AP3B2: variants seen among roughly 807,000 people sequenced by gnomAD.
The protein encoded by AP3B2 is AP-3 complex subunit beta-2.
A neutral mutation model predicts 126.9 loss-of-function variants in AP3B2; 50 were observed. The observed-to-expected ratio is 0.39, with a 90% CI of 0.31 to 0.50. The LOEUF is 0.50. Ranked by LOEUF, AP3B2 falls within the 20% of genes least tolerant of loss-of-function variation. The pLI, the probability that AP3B2 is intolerant of heterozygous loss-of-function variation, is 0.79. For synonymous variants in AP3B2, 541 were observed against 565.0 expected (o/e 0.96, Z 0.60); for missense variants, 1,177 against 1,426.4 (o/e 0.83, Z 2.82).
At position 82,666,816 on chromosome 15, in the gene AP3B2, G is replaced by A. The variant is rs747568488; in HGVS notation, c.1783C>T (p.Leu595Phe). 2.4e-5 allele frequency: 38 copies of A among 1,613,886 alleles called. No individual in the cohort carries two copies. The Middle Eastern group carries it at 4.9e-4, about 21-fold the overall frequency. ...LIVPSEQGGA[L>F]SRHAKKLFLA... ...AAGAGCTTCTTGGCATGGCGGCTGAGGGCCCCACCCTGCTCGGAAGGGACG... is the reference window on the plus strand; with the variant it reads ...AAGAGCTTCTTGGCATGGCGGCTGAAGGCCCCACCCTGCTCGGAAGGGACG... Residue 595 changes from leucine to phenylalanine, a missense_variant, in exon 15 of 27, where the codon CTC becomes TTC. Leu to Phe is a conservative substitution (Grantham distance 22). Coordinates refer to ENST00000535359, the MANE Select transcript of AP3B2 (RefSeq NM_001278512.2).
chr15:82,702,460 A>C (rs1262642948), intron 1 of AP3B2, among the ~76,000 whole-genome samples: 1 of 152,180 alleles, frequency 6.6e-6, no homozygotes, highest in East Asian at 1.9e-4. Flanking sequence ...GTAATTGAAG[A>C]ATCACAAAAG....
Position 82,659,987 on chromosome 15 carries a change from G to GGGGTAGAGGTCGTGATGA in AP3B2, c.3017-22_3017-5dup. 6.8e-6 allele frequency: 11 copies of GGGGTAGAGGTCGTGATGA among 1,613,686 alleles called. No homozygotes were observed. Among genetic ancestry groups the GGGGTAGAGGTCGTGATGA allele is most frequent in the Non-Finnish European group, 9.3e-6 (11 of 1,179,780 alleles). Reference sequence around the variant, plus strand: ...TCATTCATGCCCATCAGCTTTCCTGGGGGTAGAGGTCGTGATGAGGGCAGA... The same window carrying GGGGTAGAGGTCGTGATGA: ...TCATTCATGCCCATCAGCTTTCCTGGGGGTAGAGGTCGTGATGAGGGTAGAGGTCGTGATGAGGGCAGA... On this transcript the variant is annotated splice_region_variant and splice_polypyrimidine_tract_variant and intron_variant, in intron 25 of 26. Coordinates refer to ENST00000535359, the MANE Select transcript of AP3B2 (RefSeq NM_001278512.2).
intron 1 of AP3B2, chr15:82,691,879 G>C: frequency 7.9e-7 from 1 of 1,268,456 alleles, no homozygotes; most frequent in Non-Finnish European, 1.1e-6. Context: ...CATGAGAGTG[G>C]AATTTAGTGT....
intron 14 of AP3B2, among the ~76,000 whole-genome samples, chr15:82,672,134 A>G (rs924730901): frequency 6.6e-6 from 1 of 152,210 alleles, no homozygotes; most frequent in African/African-American, 2.4e-5. Context: ...AAATCAACAT[A>G]TTGAAGTTAT....
intron 25 of AP3B2, among the ~76,000 whole-genome samples, chr15:82,660,717 C>T (rs185885650): frequency 1.1e-4 from 17 of 152,338 alleles, no homozygotes; most frequent in Middle Eastern, 3.4e-3. Flanking sequence ...CATCCCTCTC[C>T]TGTTTCTTCT....
intron 14 of AP3B2, among the ~76,000 whole-genome samples, chr15:82,672,513 G>A (rs995289560): frequency 2.0e-5 from 3 of 152,100 alleles, no homozygotes; most frequent in Admixed American, 1.3e-4. Context: ...CAAAATTATA[G>A]TTAGATAGAA....
chr15:82,691,975 A>T, intron 1 of AP3B2: 5 of 1,441,722 alleles, frequency 3.5e-6, no homozygotes, highest in African/African-American at 1.4e-5. Flanking sequence ...CATCGGCATA[A>T]CAGACATCCC....
chr15:82,684,261 C>A (rs2048390352), intron 4 of AP3B2, among the ~76,000 whole-genome samples: 1 of 152,226 alleles, frequency 6.6e-6, no homozygotes, highest in Admixed American at 6.5e-5. Flanking sequence ...ATAGTCACAT[C>A]TATCAATGAT....
In AP3B2 at chr15:82,680,586, T is replaced by C; in HGVS notation, c.941A>G (p.Gln314Arg). Residue 314 changes from glutamine (Q) to arginine (R), a missense_variant, in exon 8 of 27, where the codon CAG becomes CGG. Gln to Arg is a conservative substitution (Grantham distance 43, BLOSUM62 1). This residue lies in a region of AP3B2 where 308 missense variants were observed against 452.4 expected (regional missense o/e 0.68). Coordinates refer to ENST00000535359, the MANE Select transcript of AP3B2 (RefSeq NM_001278512.2). The surrounding 1 kb of genome is among the most constrained non-coding windows in gnomAD (Gnocchi z 6.1). ...LLLRNTKPLLQSRSAAVVMAV... is the reference protein window; with the variant it reads ...LLLRNTKPLLRSRSAAVVMAV... ...CATCACCACCGCGGCGCTGCGGCTC[T>C]GCAGCAGGGGTTTGGTGTTGCGCAG... 1 of 1,593,350 alleles carries C rather than the reference T, an allele frequency of 6.3e-7. No homozygotes were observed. The highest frequency in any genetic ancestry group is 8.5e-7 in the Non-Finnish European group (1 of 1,176,612).
intron 22 of AP3B2, 37 bp downstream of exon 22, chr15:82,663,090 C>T: frequency 6.4e-7 from 1 of 1,558,070 alleles, no homozygotes; most frequent in Non-Finnish European, 8.7e-7. Context: ...GGGATGTGTC[C>T]CTGCCCCAGC....
chr15:82,674,958 T>C (rs1298256250), intron 14 of AP3B2, among the ~76,000 whole-genome samples: 1 of 152,134 alleles, frequency 6.6e-6, no homozygotes, highest in African/African-American at 2.4e-5. Context: ...CATCCTGGGG[T>C]TTAGGACTCT....
At chr15:82,687,274 A>T in intron 4 of AP3B2, 1 of 152,220 alleles carries the variant, frequency 6.6e-6, no homozygotes, top group Non-Finnish European at 1.5e-5. Flanking sequence ...CCACTTGTCA[A>T]TGGCTGCATT....
At position 82,662,812 on chromosome 15, in the gene AP3B2, G is replaced by A. The variant is rs1404029768; in HGVS notation, c.2715C>T (p.Pro905=). Residue 905 remains proline (P), a synonymous_variant, in exon 23 of 27, where the codon CCC becomes CCT. Coordinates refer to ENST00000535359, the MANE Select transcript of AP3B2 (RefSeq NM_001278512.2). ...AGTGGATGTGCACGGACACCATGTGGGGATCCCCGGAGAAAGGTTGGCGGC... is the reference window on the plus strand; with the variant it reads ...AGTGGATGTGCACGGACACCATGTGAGGATCCCCGGAGAAAGGTTGGCGGC... The part of the protein sequence containing the change: ...TFSRQPFSGD[P]HMVSVHIHFS... 4 of 1,613,754 alleles carry A rather than the reference G, an allele frequency of 2.5e-6. No homozygotes were observed. Among genetic ancestry groups the A allele is most frequent in the Non-Finnish European group, 3.4e-6 (4 of 1,179,792 alleles).
chr15:82,705,318 C>G (rs769948454), intron 1 of AP3B2, among the ~76,000 whole-genome samples: 1 of 152,148 alleles, frequency 6.6e-6, no homozygotes, highest in African/African-American at 2.4e-5. Context: ...AGCCTATAAA[C>G]TCTCCTTACA....
rs376998362 is a variant in AP3B2, at chr15:82,664,522, C to T, written c.2138-32G>A. The stretch of plus-strand genomic sequence containing the variant: ...AGGAACAATATGAGGCCTCCTCCCT[C>T]ATATGCAGGCCTCCTTGGGTCTGGA... On this transcript the variant is annotated intron_variant, in intron 18 of 26. Coordinates refer to ENST00000535359, the MANE Select transcript of AP3B2 (RefSeq NM_001278512.2). The surrounding 1 kb of genome is among the most constrained non-coding windows in gnomAD (Gnocchi z 4.5). The T allele has an allele frequency of 1.0e-5, 16 of 1,596,698 alleles. No individual in the cohort carries two copies. The highest frequency in any genetic ancestry group is 1.3e-5 in the African/African-American group (1 of 74,586).
At chr15:82,689,477 G>C (rs1056727600) in intron 1 of AP3B2, 24 bp from the exon 2 acceptor site, 1 of 1,609,280 alleles carries the variant, frequency 6.2e-7, no homozygotes, top group Admixed American at 1.7e-5. Context: ...CAAGAAGTCA[G>C]CTGAGGGCAC....
rs1395924373 is a variant in AP3B2, at chr15:82,659,657, G to A, written c.3209C>T (p.Ala1070Val). 6 of 1,613,834 alleles carry A rather than the reference G, an allele frequency of 3.7e-6. No individual in the cohort carries two copies. The highest frequency in any genetic ancestry group is 1.3e-5 in the African/African-American group (1 of 74,926). The change falls in exon 27 of 27, where the codon GCC (alanine) becomes GTC (valine). Residue 1070 changes from alanine (A) to valine (V), a missense_variant. Physicochemically the swap from Ala to Val is moderately conservative, Grantham distance 64. Transcript: ENST00000535359. ...GGSLVLLTLD[A>V]RPAGAAQLTV... is the part of the protein sequence containing the mutation. Reference sequence around the variant, plus strand: ...CAGCTGGGCAGCTCCAGCTGGCCGGGCATCCAGGGTCAGCAGAACGAGGCT... The same window carrying A: ...CAGCTGGGCAGCTCCAGCTGGCCGGACATCCAGGGTCAGCAGAACGAGGCT...
chr15:82,684,585 C>T (rs1596186144), intron 4 of AP3B2, among the ~76,000 whole-genome samples: 1 of 152,302 alleles, frequency 6.6e-6, no homozygotes, highest in Middle Eastern at 3.4e-3. Flanking sequence ...CATGTGTTTA[C>T]TGGAGAAGCA....
chr15:82,696,393 C>A (rs1449096396), intron 1 of AP3B2, among the ~76,000 whole-genome samples: 2 of 152,138 alleles, frequency 1.3e-5, no homozygotes, highest in Admixed American at 1.3e-4. Flanking sequence ...GCCTGGCCAA[C>A]ATGGTGAAAC....
Sources: allele counts gnomAD v4.1 joint callset (sites outside exome capture counted in the v4.1 genomes callset), GRCh38; gene constraint gnomAD v4.1.1; regional missense constraint gnomAD v4.1.1; non-coding constraint Gnocchi (gnomAD v3.1); transcripts MANE v1.5; gene names NCBI Gene and HGNC (gene_info 2026-07-23, HGNC 2026-07-21).